Variants in KCTD20 observed in about 807,000 individuals in gnomAD.
KCTD20 encodes potassium channel tetramerization domain containing 20.
Under a neutral mutation model 39.6 loss-of-function variants are expected in KCTD20, and 30 were observed. The ratio of observed to expected loss-of-function variants is 0.76; its 90% CI spans 0.57 to 1.03. KCTD20 has a LOEUF of 1.03. KCTD20 is among the 50% of genes least tolerant of loss of function. The pLI, the probability that KCTD20 is intolerant of heterozygous loss-of-function variation, is 0.00. For synonymous variants in KCTD20, 162 were observed against 180.6 expected (o/e 0.90, Z 0.83); for missense variants, 422 against 522.0 (o/e 0.81, Z 1.87).
intron 5 of KCTD20, 40 bp from the exon 6 acceptor site, chr6:36,481,522 T>G: frequency 6.9e-7 from 1 of 1,458,260 alleles, no homozygotes; most frequent in Non-Finnish European, 9.6e-7. Context: ...ATATGTGCAT[T>G]TAGGCAGAAA....
intron 7 of KCTD20, among the ~76,000 whole-genome samples, chr6:36,485,854 C>G (rs1459513478): frequency 6.6e-6 from 1 of 151,984 alleles, no homozygotes; most frequent in Non-Finnish European, 1.5e-5. Flanking sequence ...TTTCTGCCCA[C>G]AGAACCCATC....
chr6:36,467,318 A>ATTTTTTTTTT (rs775332647), intron 1 of KCTD20, among the ~76,000 whole-genome samples: 1 of 29,850 alleles, frequency 3.4e-5, no homozygotes, highest in African/African-American at 1.3e-4. Flanking sequence ...ATCCTTCAGG[A>ATTTTTTTTTT]TTTTTTTTTT....
chr6:36,474,206 C>A (rs77629325), intron 2 of KCTD20, among the ~76,000 whole-genome samples: 2 of 149,754 alleles, frequency 1.3e-5, no homozygotes, highest in African/African-American at 4.9e-5. Context: ...CTATATCTCC[C>A]GATGCTATCC....
chr6:36,454,724 C>T (rs1243212340), intron 1 of KCTD20, among the ~76,000 whole-genome samples: 3 of 151,732 alleles, frequency 2.0e-5, no homozygotes, highest in African/African-American at 7.3e-5. Flanking sequence ...CTGCAACCTC[C>T]GCCGCCGGGT....
In KCTD20 at chr6:36,454,737, A is replaced by C. The variant is rs1408930831; in HGVS notation, c.-47+11626A>C. On this transcript the variant is annotated intron_variant, in intron 1 of 7. Coordinates refer to ENST00000373731, the MANE Select transcript of KCTD20 (RefSeq NM_173562.5). ...CACTGCAACCTCCGCCGCCGGGTTC[A>C]AGCAGTTCTCCCGCCTCAGTCTCCC... Among the ~76,000 whole-genome samples, 7 of 151,670 alleles carry C rather than the reference A, an allele frequency of 4.6e-5. No homozygotes were observed. In the South Asian group the frequency reaches 8.3e-4, roughly 18 times the overall value.
intron 1 of KCTD20, chr6:36,451,120 C>G (rs1044447882): frequency 1.3e-5 from 2 of 152,212 alleles, no homozygotes; most frequent in Admixed American, 1.3e-4. Flanking sequence ...ACATAGCGCA[C>G]TACAGCCCAG....
rs775332647 is a variant in KCTD20, at chr6:36,467,318, A to ATT, written c.-46-2697_-46-2696dup. 2.0e-4 allele frequency among the ~76,000 whole-genome samples: 6 copies of ATT among 29,850 alleles called. 1 individual carries two copies. The highest frequency in any genetic ancestry group is 6.7e-4 in the African/African-American group (5 of 7,478). 19.6% of individuals were successfully genotyped at this position (29,850 alleles called of 152,430 possible). On this transcript the variant is annotated intron_variant, in intron 1 of 7. Coordinates refer to ENST00000373731, the MANE Select transcript of KCTD20 (RefSeq NM_173562.5). ...TGAAAGACTCCGAAAATCCTTCAGG[A>ATT]TTTTTTTTTTTTTTTTTTTTTTTTT...
intron 3 of KCTD20, 31 bp from the exon 4 acceptor site, chr6:36,479,089 GA>G: frequency 7.4e-7 from 1 of 1,353,534 alleles, no homozygotes. Context: ...TCATGATGGA[GA>G]AGATAACATT....
In KCTD20 at chr6:36,474,911, A is replaced by G. The variant is rs1329089395; in HGVS notation, c.283A>G (p.Ile95Val). 1 of 1,614,030 alleles carries G rather than the reference A, an allele frequency of 6.2e-7. No individual in the cohort carries two copies. Among genetic ancestry groups the G allele is most frequent in the African/African-American group, 1.3e-5 (1 of 74,914 alleles). ...GAATAAACGGAACCATGAACCTTTTATTGCTCCAGAAAGATTTGGAAACAG... is the reference window on the plus strand; with the variant it reads ...GAATAAACGGAACCATGAACCTTTTGTTGCTCCAGAAAGATTTGGAAACAG... ...SGNKRNHEPF[I>V]APERFGNSSV... Residue 95 changes from isoleucine to valine, a missense_variant, in exon 3 of 8, where the codon ATT (isoleucine) becomes GTT (valine). Physicochemically the swap from Ile to Val is conservative, Grantham distance 29 (BLOSUM62 3). Coordinates refer to ENST00000373731, the MANE Select transcript of KCTD20 (RefSeq NM_173562.5).
intron 1 of KCTD20, among the ~76,000 whole-genome samples, chr6:36,446,997 T>C (rs908724465): frequency 4.6e-5 from 7 of 152,330 alleles, no homozygotes; most frequent in South Asian, 2.1e-4. Context: ...TAAGTTTGCC[T>C]CAAATAATAT....
chr6:36,455,549 A>G (rs1385822863), intron 1 of KCTD20, among the ~76,000 whole-genome samples: 3 of 151,930 alleles, frequency 2.0e-5, no homozygotes, highest in Non-Finnish European at 4.4e-5. Context: ...GGCTTAACTT[A>G]TTTGCTTTCT....
intron 5 of KCTD20, among the ~76,000 whole-genome samples, chr6:36,479,920 G>C (rs936756199): frequency 1.3e-5 from 2 of 150,664 alleles, no homozygotes; most frequent in Non-Finnish European, 2.9e-5. Context: ...AGCCTCCCAA[G>C]TAGCTGGGAT....
Position 36,454,943 on chromosome 6 carries a change from C to T in KCTD20, c.-47+11832C>T, listed in dbSNP as rs143525917. ...GATTACAGGCATGAGCCACCGTGCC[C>T]GGCCTACTTTATGGCTCTTTACCAG... is the stretch of plus-strand genomic sequence containing the variant. On this transcript the variant is annotated intron_variant, in intron 1 of 7. Transcript: ENST00000373731. Among the ~76,000 whole-genome samples, 919 of 152,082 alleles carry T rather than the reference C, an allele frequency of 6.0e-3. 12 individuals are homozygous for T. Among genetic ancestry groups the T allele is most frequent in the African/African-American group, 0.021 (883 of 41,522 alleles).
At chr6:36,452,110 C>T (rs1775274584) in intron 1 of KCTD20, among the ~76,000 whole-genome samples, 2 of 152,158 alleles carry the variant, frequency 1.3e-5, no homozygotes, top group Admixed American at 1.3e-4. Context: ...TGTGCCTGGC[C>T]TATTTTTTTA....
At chr6:36,482,424 G>A (rs1776278333) in intron 6 of KCTD20, among the ~76,000 whole-genome samples, 1 of 152,062 alleles carries the variant, frequency 6.6e-6, no homozygotes, top group African/African-American at 2.4e-5. Flanking sequence ...ATGGTGGCGT[G>A]CGCCTGTAGT....
At chr6:36,467,818 C>T (rs1332367021) in intron 1 of KCTD20, among the ~76,000 whole-genome samples, 1 of 152,056 alleles carries the variant, frequency 6.6e-6, no homozygotes, top group Admixed American at 6.6e-5. Flanking sequence ...GAATATTATA[C>T]AGCCCTTAAA....
At chr6:36,471,630 A>G (rs549880003) in intron 2 of KCTD20, among the ~76,000 whole-genome samples, 16 of 152,256 alleles carry the variant, frequency 1.1e-4, no homozygotes, top group African/African-American at 3.4e-4. Context: ...GATGATTTCT[A>G]TATGTGTATT....
At chr6:36,462,419 GA>G (rs1457248130) in intron 1 of KCTD20, among the ~76,000 whole-genome samples, 1 of 152,138 alleles carries the variant, frequency 6.6e-6, no homozygotes, top group Admixed American at 6.6e-5. Flanking sequence ...TCTCATCTAT[GA>G]AATGAAAAGA....
intron 5 of KCTD20, among the ~76,000 whole-genome samples, chr6:36,480,402 G>A (rs1044603235): frequency 2.8e-5 from 4 of 142,810 alleles, no homozygotes; most frequent in Non-Finnish European, 6.1e-5. Context: ...TCCTGATCAT[G>A]ATATTGCCTT....
Sources: gnomAD v4.1 joint callset for allele counts (sites outside exome capture counted in the v4.1 genomes callset) on GRCh38, gnomAD v4.1.1 for gene constraint, MANE v1.5 for transcripts, NCBI Gene and HGNC (gene_info 2026-07-23, HGNC 2026-07-21) for gene names.